The following ARID1B variants were observed in gnomAD, a reference collection of about 807,000 sequenced individuals.
ARID1B encodes AT-rich interaction domain 1B, also known as AT-rich interactive domain-containing protein 1B.
ARID1B carries 30 observed loss-of-function variants against 212.3 expected under a neutral mutation model. That is an observed-to-expected ratio of 0.14 (90% confidence interval 0.11 to 0.19). ARID1B has a LOEUF of 0.19. Ranked by LOEUF, ARID1B falls within the 10% of genes least tolerant of loss-of-function variation. The pLI is 1.00. For synonymous variants in ARID1B, 1,402 were observed against 1,301.7 expected (o/e 1.08, Z -1.66); for missense variants, 2,891 against 3,204.0 (o/e 0.90, Z 2.36).
At chr6:157,187,349 C>A (rs1793043925) in intron 13 of ARID1B, among the ~76,000 whole-genome samples, 1 of 152,188 alleles carries the variant, frequency 6.6e-6, no homozygotes, top group Admixed American at 6.5e-5. Flanking sequence ...CTATTATTAG[C>A]TGACAGGTGA....
chr6:156,930,209 G>T (rs185866), intron 3 of ARID1B, among the ~76,000 whole-genome samples: 1 of 152,058 alleles, frequency 6.6e-6, no homozygotes, highest in African/African-American at 2.4e-5. Flanking sequence ...TCATGGGGGC[G>T]GTTTCTCTTG....
intron 7 of ARID1B, among the ~76,000 whole-genome samples, chr6:157,137,787 C>T (rs770674248): frequency 7.2e-5 from 11 of 152,114 alleles, no homozygotes; most frequent in Non-Finnish European, 1.6e-4. Flanking sequence ...CGTGCTGACA[C>T]CTGGGTTTAT....
At chr6:157,187,935 C>G (rs1793093162) in intron 13 of ARID1B, among the ~76,000 whole-genome samples, 1 of 152,158 alleles carries the variant, frequency 6.6e-6, no homozygotes, top group African/African-American at 2.4e-5. Flanking sequence ...CATTTCTCTT[C>G]TGCAGCACTA....
intron 8 of ARID1B, among the ~76,000 whole-genome samples, chr6:157,159,893 C>T (rs1426482927): frequency 1.3e-5 from 2 of 152,216 alleles, no homozygotes; most frequent in Admixed American, 1.3e-4. Flanking sequence ...TACTACTGTT[C>T]CTTTACTTAG....
intron 4 of ARID1B, among the ~76,000 whole-genome samples, chr6:157,026,390 G>A (rs757373073): frequency 3.3e-5 from 5 of 152,160 alleles, no homozygotes; most frequent in Admixed American, 6.5e-5. Flanking sequence ...TATATCAATC[G>A]TATTTTAAAG....
At chr6:156,917,901 A>G (rs1472409191) in intron 3 of ARID1B, among the ~76,000 whole-genome samples, 1 of 152,212 alleles carries the variant, frequency 6.6e-6, no homozygotes, top group Non-Finnish European at 1.5e-5. Flanking sequence ...TTTCTAAAAT[A>G]TCTTTCTTCA....
At chr6:156,781,470 C>T (rs1291836623) in intron 1 of ARID1B, among the ~76,000 whole-genome samples, 1 of 151,906 alleles carries the variant, frequency 6.6e-6, no homozygotes, top group Non-Finnish European at 1.5e-5. Flanking sequence ...GAACAACAGT[C>T]GTTGTATGTA....
At chr6:156,903,005 T>C (rs549859294) in intron 3 of ARID1B, among the ~76,000 whole-genome samples, 3 of 152,148 alleles carry the variant, frequency 2.0e-5, no homozygotes, top group Non-Finnish European at 4.4e-5. Flanking sequence ...AAGGAGTCAA[T>C]AGATAAATTA....
chr6:156,928,662 A>G (rs1416482163), intron 3 of ARID1B, among the ~76,000 whole-genome samples: 1 of 152,208 alleles, frequency 6.6e-6, no homozygotes, highest in African/African-American at 2.4e-5. Context: ...GGAGAAAGAG[A>G]AGAGCCGGTA....
chr6:156,802,505 TGTTA>T (rs1262142810), intron 1 of ARID1B, among the ~76,000 whole-genome samples: 1 of 152,210 alleles, frequency 6.6e-6, no homozygotes, highest in Non-Finnish European at 1.5e-5. Flanking sequence ...AAATATCAAA[TGTTA>T]ATTTAAGGAA....
intron 4 of ARID1B, among the ~76,000 whole-genome samples, chr6:157,010,276 CTGTT>C (rs572609309): frequency 8.1e-6 from 1 of 122,804 alleles, no homozygotes; most frequent in Admixed American, 7.9e-5. Context: ...TATGCATTGC[CTGTT>C]TTTTTTTTTT....
In ARID1B at chr6:157,210,543, C is replaced by A. The variant is rs1416276023; in HGVS notation, c.*2652C>A. ...CTTTAGCCTCCTTTCCATATTCTCA[C>A]CCCCGAATCAAGATTTACAGAAGCC... On this transcript the variant is annotated 3_prime_UTR_variant, in exon 20 of 20. Coordinates refer to ENST00000636930, the MANE Select transcript of ARID1B (RefSeq NM_001374828.1). The A allele has an allele frequency of 4.3e-6, 1 of 232,440 alleles. No homozygotes were observed. The highest frequency in any genetic ancestry group is 2.2e-5 in the African/African-American group (1 of 45,294). 14.4% of individuals were successfully genotyped at this position (232,440 alleles called of 1,614,324 possible). A position where few individuals can be genotyped will look rare whatever the true frequency, so the allele number is the denominator to read the frequency against.
intron 4 of ARID1B, among the ~76,000 whole-genome samples, chr6:157,004,936 T>C (rs1209462489): frequency 7.8e-6 from 1 of 128,460 alleles, no homozygotes; most frequent in East Asian, 2.2e-4. Context: ...TTTTTTGAGA[T>C]GAGCCTTGCT....
chr6:156,897,208 TGC>T lies in ARID1B; in HGVS notation c.1987-4167_1987-4166del, dbSNP rs1562468120. On this transcript the variant is annotated intron_variant, in intron 2 of 19. Coordinates refer to ENST00000636930, the MANE Select transcript of ARID1B (RefSeq NM_001374828.1). ...CTGCTGCTACTGCTGCTGCTGCTGCTGCTGCTGCTGCTTCTTCTTCTTCTTCT... is the reference window on the plus strand; with the variant it reads ...CTGCTGCTACTGCTGCTGCTGCTGCTTGCTGCTGCTTCTTCTTCTTCTTCT... Among the ~76,000 whole-genome samples the T allele has an allele frequency of 3.5e-3, 274 of 77,698 alleles. 2 individuals carry two copies. The highest frequency in any genetic ancestry group is 0.011 in the Middle Eastern group (2 of 180). 51.0% of individuals were successfully genotyped at this position (77,698 alleles called of 152,430 possible).
intron 6 of ARID1B, among the ~76,000 whole-genome samples, chr6:157,121,301 A>G (rs1464435352): frequency 1.3e-5 from 2 of 152,196 alleles, no homozygotes; most frequent in East Asian, 1.9e-4. Context: ...GTTTAAGTTC[A>G]TGGAGCTTCA....
chr6:156,932,132 A>AG (rs1791780436), intron 3 of ARID1B, among the ~76,000 whole-genome samples: 2 of 110,402 alleles, frequency 1.8e-5, no homozygotes, highest in South Asian at 6.2e-4. Context: ...CTTGTTTCTT[A>AG]AAAAAAAAAA....
chr6:157,010,712 A>G (rs547638066), intron 4 of ARID1B, among the ~76,000 whole-genome samples: 1 of 152,088 alleles, frequency 6.6e-6, no homozygotes, highest in East Asian at 1.9e-4. Flanking sequence ...GTTTAGGCAA[A>G]GCAACTTGTG....
rs1778987056 is a variant in ARID1B, at chr6:156,779,220, C to T, written c.1540C>T (p.Arg514Trp). 1.6e-6 allele frequency: 2 copies of T among 1,263,710 alleles called. No individual in the cohort carries two copies. Among genetic ancestry groups the T allele is most frequent in the Admixed American group, 3.0e-5 (1 of 33,520 alleles). The allele number at this position is 1,263,710 out of a possible 1,614,324, so 78.3% of individuals were successfully genotyped here. A position where few individuals can be genotyped will look rare whatever the true frequency, so the allele number is the denominator to read the frequency against. ...GCTCACCTCGCCCAGCCCCATGATGCGGAGCTACGGCGGCAGCTACCCCGA... is the reference window on the plus strand; with the variant it reads ...GCTCACCTCGCCCAGCCCCATGATGTGGAGCTACGGCGGCAGCTACCCCGA... ...QLLTSPSPMMRSYGGSYPEYS... is the reference protein window; with the variant it reads ...QLLTSPSPMMWSYGGSYPEYS... The change falls in exon 1 of 20, where the codon CGG becomes TGG. Residue 514 changes from arginine to tryptophan, a missense_variant. Coordinates refer to ENST00000636930, the MANE Select transcript of ARID1B (RefSeq NM_001374828.1).
chr6:157,173,971 CAT>C (rs774400226), intron 9 of ARID1B, 35 bp from the exon 10 acceptor site: 4 of 1,560,746 alleles, frequency 2.6e-6, no homozygotes, highest in Non-Finnish European at 2.7e-6. Context: ...ACGAATCACA[CAT>C]ATAATCCTAA....
Sources: gnomAD v4.1 joint callset for allele counts (sites outside exome capture counted in the v4.1 genomes callset) on GRCh38, gnomAD v4.1.1 for gene constraint, MANE v1.5 for transcripts, NCBI Gene and HGNC (gene_info 2026-07-23, HGNC 2026-07-21) for gene names.